RAD52: variants seen among roughly 807,000 people sequenced by gnomAD.
RAD52 encodes DNA repair protein RAD52 homolog.
A neutral mutation model predicts 55.5 loss-of-function variants in RAD52; 47 were observed. The ratio of observed to expected loss-of-function variants is 0.85; its 90% CI spans 0.67 to 1.08. RAD52 has a LOEUF of 1.08. RAD52 is among the 50% of genes least tolerant of loss of function. The pLI is 0.00. For missense variants in RAD52, 468 were observed against 522.8 expected, an observed-to-expected ratio of 0.90 and a Z score of 1.02; for synonymous variants, 184 against 198.9, an observed-to-expected ratio of 0.92 and a Z score of 0.63.
chr12:918,684 C>T (rs776530711), intron 7 of RAD52, among the ~76,000 whole-genome samples: 1 of 152,078 alleles, frequency 6.6e-6, no homozygotes, highest in Non-Finnish European at 1.5e-5. Context: ...GGTGGGATTA[C>T]AGGAGTGAGC....
chr12:971,232 T>C (rs1757073834), intron 1 of RAD52, among the ~76,000 whole-genome samples: 2 of 152,186 alleles, frequency 1.3e-5, no homozygotes. Flanking sequence ...TAATCAACCT[T>C]TTGTTTTGTT....
intron 1 of RAD52, among the ~76,000 whole-genome samples, chr12:970,318 CA>C (rs4017793): frequency 0.033 from 2,193 of 67,024 alleles, 13 homozygotes; most frequent in Middle Eastern, 0.06. Flanking sequence ...GACATCATCT[CA>C]AAAAAAAAAA....
At chr12:913,719 C>T (rs534774827) in intron 11 of RAD52, among the ~76,000 whole-genome samples, 175 bp downstream of exon 11, 2 of 152,284 alleles carry the variant, frequency 1.3e-5, no homozygotes, top group East Asian at 1.9e-4. Flanking sequence ...AAGTCAGGAG[C>T]CCAAAGGAAA....
At chr12:933,677 G>A (rs933800472) in intron 1 of RAD52, among the ~76,000 whole-genome samples, 1 of 152,076 alleles carries the variant, frequency 6.6e-6, no homozygotes, top group Middle Eastern at 3.4e-3. Context: ...ATTACATTTA[G>A]AACTATAAAA....
intron 1 of RAD52, among the ~76,000 whole-genome samples, chr12:987,585 G>T: frequency 6.7e-6 from 1 of 148,220 alleles, no homozygotes. Flanking sequence ...TCCTGAGACA[G>T]GATCTGGCTC....
intron 1 of RAD52, among the ~76,000 whole-genome samples, chr12:965,280 T>C (rs1279469523): frequency 1.3e-5 from 2 of 152,068 alleles, no homozygotes; most frequent in Non-Finnish European, 2.9e-5. Flanking sequence ...CCCGGCCACA[T>C]CTTTGCTTTC....
intron 1 of RAD52, among the ~76,000 whole-genome samples, chr12:948,963 T>G (rs939005338): frequency 7.2e-5 from 11 of 152,270 alleles, no homozygotes; most frequent in African/African-American, 2.6e-4. Context: ...CCTTCCAAAG[T>G]TCTGGGATTA....
chr12:932,896 A>G, intron 2 of RAD52, 79 bp downstream of exon 2: 1 of 1,272,206 alleles, frequency 7.9e-7, no homozygotes, highest in Non-Finnish European at 1.1e-6. Flanking sequence ...CACATGTACT[A>G]CGATGCTCTA....
At chr12:961,964 T>C (rs1342235627) in intron 1 of RAD52, among the ~76,000 whole-genome samples, 1 of 152,100 alleles carries the variant, frequency 6.6e-6, no homozygotes, top group Non-Finnish European at 1.5e-5. Flanking sequence ...TGTGAGAAGG[T>C]GGCCATCTGT....
intron 1 of RAD52, among the ~76,000 whole-genome samples, chr12:935,025 G>A (rs1282063942): frequency 6.6e-6 from 1 of 152,044 alleles, no homozygotes; most frequent in Non-Finnish European, 1.5e-5. Context: ...TGAGGCAGGA[G>A]AATCACTTGA....
At chr12:987,575 T>TC (rs1447126394) in intron 1 of RAD52, among the ~76,000 whole-genome samples, 1 of 151,452 alleles carries the variant, frequency 6.6e-6, no homozygotes, top group Non-Finnish European at 1.5e-5. Flanking sequence ...TTTTTTTTTT[T>TC]CCTGAGACAG....
chr12:952,856 C>A (rs1326941256), upstream of RAD52, among the ~76,000 whole-genome samples: 1 of 132,674 alleles, frequency 7.5e-6, no homozygotes, highest in Non-Finnish European at 1.6e-5. Context: ...ATAGTCATTG[C>A]ACTTGAGCCT....
intron 8 of RAD52, 62 bp from the exon 9 acceptor site, chr12:916,545 C>T (rs1956391134): frequency 3.1e-6 from 5 of 1,603,520 alleles, no homozygotes; most frequent in Admixed American, 1.7e-5. Context: ...GCTGGGAGGA[C>T]ACGCACGGCT....
intron 6 of RAD52, among the ~76,000 whole-genome samples, chr12:925,939 A>G (rs1222694228): frequency 6.6e-6 from 1 of 152,120 alleles, no homozygotes; most frequent in Non-Finnish European, 1.5e-5. Context: ...CCATGACCAG[A>G]GTTCTTAACT....
chr12:973,526 G>A (rs577748513), intron 1 of RAD52, among the ~76,000 whole-genome samples: 1 of 151,900 alleles, frequency 6.6e-6, no homozygotes, highest in East Asian at 1.9e-4. Context: ...TGCGCAGGCT[G>A]GAGTGCAGTG....
At chr12:919,237 G>A (rs1956575305) in intron 7 of RAD52, among the ~76,000 whole-genome samples, 2 of 152,008 alleles carry the variant, frequency 1.3e-5, no homozygotes, top group African/African-American at 4.8e-5. Flanking sequence ...CTTGAGGTCA[G>A]GAGTTTGAGA....
chr12:916,662 C>T lies in RAD52; in HGVS notation c.702G>A (p.Pro234=), dbSNP rs905533800. 2.5e-6 allele frequency: 4 copies of T among 1,613,774 alleles called. No homozygotes were observed. Among genetic ancestry groups the T allele is most frequent in the African/African-American group, 1.3e-5 (1 of 74,898 alleles). Residue 234 remains proline (P), a synonymous_variant, in exon 8 of 12, where the codon CCG becomes CCA. Transcript: ENST00000358495. ...ACCGGGAGCTGCAGTCCTGGTCCGC[C>T]GGTATCACAGCATGGCTGGGTCTGG... ...SPSRPSHAVI[P]ADQDCSSRSL...
chr12:939,851 C>T (rs1285786280), intron 1 of RAD52, among the ~76,000 whole-genome samples: 3 of 152,116 alleles, frequency 2.0e-5, no homozygotes, highest in East Asian at 1.9e-4. Context: ...CTGAGGCAGG[C>T]GGATCACGAG....
At chr12:966,640 T>C (rs928016351) in intron 1 of RAD52, among the ~76,000 whole-genome samples, 11 of 152,088 alleles carry the variant, frequency 7.2e-5, no homozygotes, top group Non-Finnish European at 1.5e-4. Context: ...TTTTCCCTTT[T>C]TTCCTAATTT....
Sources: gnomAD v4.1 joint callset for allele counts (sites outside exome capture counted in the v4.1 genomes callset) on GRCh38, gnomAD v4.1.1 for gene constraint, MANE v1.5 for transcripts, NCBI Gene and HGNC (gene_info 2026-07-23, HGNC 2026-07-21) for gene names.